The following ST8SIA5 variants were observed in gnomAD, a reference collection of about 807,000 sequenced individuals.
ST8SIA5 encodes ST8 alpha-N-acetyl-neuraminide alpha-2,8-sialyltransferase 5.
In ST8SIA5, 24 loss-of-function variants were observed where a neutral mutation model predicts 40.2. The ratio of observed to expected loss-of-function variants is 0.60; its 90% CI spans 0.43 to 0.84. The LOEUF (loss-of-function observed/expected upper bound fraction) is 0.84. Ranked by LOEUF, ST8SIA5 falls within the 40% of genes least tolerant of loss-of-function variation. ST8SIA5 has a pLI of 0.00. For missense variants in ST8SIA5, 465 were observed against 498.5 expected (o/e 0.93, Z 0.64); for synonymous variants, 198 against 201.8 (o/e 0.98, Z 0.16).
chr18:46,690,900 G>A (rs1329620626), intron 3 of ST8SIA5, among the ~76,000 whole-genome samples: 3 of 152,188 alleles, frequency 2.0e-5, no homozygotes, highest in Admixed American at 6.5e-5. Context: ...ATAGACGTGA[G>A]CCACCATGCC....
At chr18:46,739,849 C>T (rs1168786632) in intron 1 of ST8SIA5, among the ~76,000 whole-genome samples, 3 of 152,106 alleles carry the variant, frequency 2.0e-5, no homozygotes, top group Non-Finnish European at 4.4e-5. Context: ...ATGTCCTCTT[C>T]CAGGGCATAT....
intron 6 of ST8SIA5, among the ~76,000 whole-genome samples, chr18:46,681,260 G>A (rs938338631): frequency 6.6e-6 from 1 of 152,102 alleles, no homozygotes; most frequent in Non-Finnish European, 1.5e-5. Context: ...TTATAGGCAT[G>A]AGCCACCACA....
At chr18:46,716,342 C>T (rs1048942175) in intron 1 of ST8SIA5, among the ~76,000 whole-genome samples, 2 of 152,190 alleles carry the variant, frequency 1.3e-5, no homozygotes, top group African/African-American at 4.8e-5. Context: ...AGAGGACCCT[C>T]TTGTGTCATC....
chr18:46,748,814 G>GCCA (rs1388112185), intron 1 of ST8SIA5, among the ~76,000 whole-genome samples: 1 of 151,948 alleles, frequency 6.6e-6, no homozygotes, highest in African/African-American at 2.4e-5. Flanking sequence ...AAATGATACA[G>GCCA]CCACCTTGGA....
At chr18:46,687,711 G>A (rs1431927297) in intron 4 of ST8SIA5, among the ~76,000 whole-genome samples, 1 of 152,184 alleles carries the variant, frequency 6.6e-6, no homozygotes, top group East Asian at 1.9e-4. Flanking sequence ...GTCACAGAAT[G>A]CAGGGAACTC....
chr18:46,686,116 G>A (rs2039443709), intron 5 of ST8SIA5, 58 bp downstream of exon 5: 1 of 1,534,518 alleles, frequency 6.5e-7, no homozygotes. Context: ...ACCGGGGGAA[G>A]AATATGGAGG....
In ST8SIA5 at chr18:46,756,672, G is replaced by A; in HGVS notation, c.-164C>T. On this transcript the variant is annotated 5_prime_UTR_variant, in exon 1 of 7. Coordinates refer to ENST00000315087, the MANE Select transcript of ST8SIA5 (RefSeq NM_013305.6). ...GTTTCTGGTTGGCGCGGCCGGAGCT[G>A]GGGGCATCCAAGCGTCGCAGGCGCT... 1.3e-6 allele frequency: 1 copy of A among 796,096 alleles called. No homozygotes were observed. Among genetic ancestry groups the A allele is most frequent in the Non-Finnish European group, 1.9e-6 (1 of 528,436 alleles). The allele number at this position is 796,096 out of a possible 1,614,324, so 49.3% of individuals were successfully genotyped here. A position where few individuals can be genotyped will look rare whatever the true frequency, so the allele number is the denominator to read the frequency against.
At chr18:46,714,670 A>G (rs995012988) in intron 1 of ST8SIA5, among the ~76,000 whole-genome samples, 2 of 152,100 alleles carry the variant, frequency 1.3e-5, no homozygotes, top group African/African-American at 2.4e-5. Context: ...GAACCCCAGG[A>G]GTGACTGAGC....
chr18:46,737,973 G>T (rs185486548), intron 1 of ST8SIA5, among the ~76,000 whole-genome samples: 1 of 151,986 alleles, frequency 6.6e-6, no homozygotes, highest in African/African-American at 2.4e-5. Context: ...ATTTCACCAC[G>T]TTGGCCAGGC....
chr18:46,692,406 T>C, intron 2 of ST8SIA5, 151 bp from the exon 3 acceptor site: 1 of 642,332 alleles, frequency 1.6e-6, no homozygotes, highest in Non-Finnish European at 2.7e-6. Flanking sequence ...TCTTTCTTTG[T>C]TTCTTTTTTT....
intron 1 of ST8SIA5, among the ~76,000 whole-genome samples, chr18:46,711,378 AG>A (rs1433863142): frequency 6.6e-6 from 1 of 152,182 alleles, no homozygotes; most frequent in Admixed American, 6.5e-5. Context: ...GAACTACAAG[AG>A]GTAAAGTAAC....
Position 46,718,235 on chromosome 18 carries a change from G to T in ST8SIA5, c.132-13571C>A, listed in dbSNP as rs1057347201. Among the ~76,000 whole-genome samples the T allele has an allele frequency of 1.9e-4, 28 of 150,380 alleles. 1 individual carries two copies. The highest frequency in any genetic ancestry group is 2.7e-4 in the Admixed American group (4 of 14,962). On this transcript the variant is annotated intron_variant, in intron 1 of 6. Coordinates refer to ENST00000315087, the MANE Select transcript of ST8SIA5 (RefSeq NM_013305.6). ...GTCCCAGCTACTCAGTAGGCTGAGG[G>T]AGGAGAATTGCTTGAACCCGGGAGG...
At position 46,673,580 on chromosome 18, in the gene ST8SIA5, G is replaced by T. The variant is rs1289014400; in HGVS notation, c.*6462C>A. 2.6e-5 allele frequency: 4 copies of T among 152,118 alleles called. No homozygotes were observed. The highest frequency in any genetic ancestry group is 4.4e-5 in the Non-Finnish European group (3 of 68,026). The allele number at this position is 152,118 out of a possible 1,614,324, so 9.4% of individuals were successfully genotyped here. ...GGTTCTCAGTCCATAGTTTTAACAA[G>T]CACCCAGGTGATTCTGATGCAGGCC... On this transcript the variant is annotated 3_prime_UTR_variant, in exon 7 of 7. Transcript: ENST00000315087.
At chr18:46,744,605 C>A (rs1599152595) in intron 1 of ST8SIA5, among the ~76,000 whole-genome samples, 1 of 152,146 alleles carries the variant, frequency 6.6e-6, no homozygotes, top group South Asian at 2.1e-4. Context: ...GACTCCCACA[C>A]AATAATAATG....
chr18:46,682,260 C>T (rs2039405307), intron 5 of ST8SIA5, among the ~76,000 whole-genome samples, 196 bp from the exon 6 acceptor site: 2 of 152,208 alleles, frequency 1.3e-5, no homozygotes, highest in Non-Finnish European at 2.9e-5. Flanking sequence ...AGCCAACAGG[C>T]CTTGCTGAAG....
In ST8SIA5 at chr18:46,730,189, C is replaced by T. The variant is rs531723923; in HGVS notation, c.132-25525G>A. On this transcript the variant is annotated intron_variant, in intron 1 of 6. Coordinates refer to ENST00000315087, the MANE Select transcript of ST8SIA5 (RefSeq NM_013305.6). ...CTTTCTTCAGAGCTTCAATAGCCATCCAAGCAGATGACTCACCTCCAGGCA... is the reference window on the plus strand; with the variant it reads ...CTTTCTTCAGAGCTTCAATAGCCATTCAAGCAGATGACTCACCTCCAGGCA... 3.0e-6 allele frequency: 3 copies of T among 985,224 alleles called. No individual in the cohort carries two copies. In the South Asian group the frequency reaches 1.4e-4, roughly 46 times the overall value. 61.0% of individuals were successfully genotyped at this position (985,224 alleles called of 1,614,324 possible).
rs1397458596 is a variant in ST8SIA5 at position 46,756,819 on chromosome 18, G to A, written c.-311C>T. 3.2e-6 allele frequency: 1 copy of A among 315,672 alleles called. No homozygotes were observed. The highest frequency in any genetic ancestry group is 2.2e-5 in the African/African-American group (1 of 44,958). The allele number at this position is 315,672 out of a possible 1,614,324, so 19.6% of individuals were successfully genotyped here. ...GGGTAGCCGCCGATTTCCCCGCGGA[G>A]GGGAGACGCCAGGTGCCACGAGCCG... On this transcript the variant is annotated 5_prime_UTR_variant, in exon 1 of 7. Transcript: ENST00000315087.
chr18:46,680,820 G>A (rs1371367654), intron 6 of ST8SIA5, among the ~76,000 whole-genome samples: 1 of 152,218 alleles, frequency 6.6e-6, no homozygotes, highest in African/African-American at 2.4e-5. Flanking sequence ...CAGAAGGGAA[G>A]TGGCTGCGGG....
At chr18:46,728,545 A>T (rs1448768908) in intron 1 of ST8SIA5, among the ~76,000 whole-genome samples, 4 of 152,218 alleles carry the variant, frequency 2.6e-5, no homozygotes, top group African/African-American at 9.6e-5. Flanking sequence ...AGGTTCCCCA[A>T]AGAAGCCCCA....
Sources: allele counts gnomAD v4.1 joint callset (sites outside exome capture counted in the v4.1 genomes callset), GRCh38; gene constraint gnomAD v4.1.1; transcripts MANE v1.5; gene names NCBI Gene and HGNC (gene_info 2026-07-23, HGNC 2026-07-21).